FGF2: variants seen among roughly 807,000 people sequenced by gnomAD.
The protein encoded by FGF2 is basic fibroblast growth factor bFGF.
In FGF2, 13 loss-of-function variants were observed where a neutral mutation model predicts 15.9. The observed-to-expected ratio is 0.82, with a 90% CI of 0.53 to 1.30. The LOEUF is 1.30. FGF2 is among the 50% of genes most tolerant of loss of function. The probability of loss-of-function intolerance (pLI) is 0.00; values close to 1 mark genes in which losing one functional copy is unlikely to be tolerated. For missense variants in FGF2, 163 were observed against 196.9 expected, an observed-to-expected ratio of 0.83 and a Z score of 1.03; for synonymous variants, 90 against 78.4, an observed-to-expected ratio of 1.15 and a Z score of -0.78.
rs894913251 is a variant in FGF2 at position 122,893,538 on chromosome 4, A to G, written c.*1142A>G. On this transcript the variant is annotated 3_prime_UTR_variant, in exon 3 of 3. Transcript: ENST00000644866. ...GCTCTTTTTCCCAAAAGGTAAAAAT[A>G]TAGATTGAAAAGTTAAAACATTTTG... The G allele has an allele frequency of 6.3e-5, 14 of 222,538 alleles. No individual in the cohort carries two copies. The highest frequency in any genetic ancestry group is 3.2e-4 in the African/African-American group (14 of 44,042). 13.8% of individuals were successfully genotyped at this position (222,538 alleles called of 1,614,324 possible). A position where few individuals can be genotyped will look rare whatever the true frequency, so the allele number is the denominator to read the frequency against.
At chr4:122,860,223 TTAATAACTAACAGTTC>T (rs1726432040) in intron 1 of FGF2, among the ~76,000 whole-genome samples, 1 of 152,162 alleles carries the variant, frequency 6.6e-6, no homozygotes, top group African/African-American at 2.4e-5. Flanking sequence ...AAATATTTTT[TTAATAACTAACAGTTC>T]TAATAATGTG....
At chr4:122,875,765 C>T (rs1230710722) in intron 1 of FGF2, among the ~76,000 whole-genome samples, 3 of 152,182 alleles carry the variant, frequency 2.0e-5, no homozygotes, top group Admixed American at 6.5e-5. Context: ...CGTGATTGTG[C>T]CACTGCACTC....
chr4:122,867,672 C>G (rs918085958), intron 1 of FGF2, among the ~76,000 whole-genome samples: 2 of 152,130 alleles, frequency 1.3e-5, no homozygotes, highest in African/African-American at 4.8e-5. Flanking sequence ...ACATAGTTTT[C>G]AAATGACTAT....
At chr4:122,829,629 T>G (rs551217877) in intron 1 of FGF2, among the ~76,000 whole-genome samples, 47 of 152,274 alleles carry the variant, frequency 3.1e-4, no homozygotes, top group African/African-American at 1.1e-3. Context: ...TAGTGGTGAT[T>G]TGTGAAATTT....
intron 1 of FGF2, chr4:122,840,616 C>T (rs554817090): frequency 1.1e-5 from 2 of 180,648 alleles, no homozygotes; most frequent in Non-Finnish European, 2.4e-5. Flanking sequence ...TTGTGAAGCC[C>T]ACACGAACCA....
Position 122,897,623 on chromosome 4 carries a change from C to A in FGF2, c.*5227C>A. The A allele has an allele frequency of 3.1e-6, 5 of 1,592,552 alleles. No homozygotes were observed. The highest frequency in any genetic ancestry group is 4.3e-6 in the Non-Finnish European group (5 of 1,160,492). ...CAATTAAAAATATAAAAGATACACA[C>A]CAATATCTTCTTCAGGCTCTGACAG... On this transcript the variant is annotated 3_prime_UTR_variant, in exon 3 of 3. Transcript: ENST00000644866.
chr4:122,845,209 G>A (rs940699495), intron 1 of FGF2, among the ~76,000 whole-genome samples: 10 of 152,212 alleles, frequency 6.6e-5, no homozygotes, highest in Non-Finnish European at 2.9e-5. Flanking sequence ...CTCAAAAGTG[G>A]GTTTAAAATA....
At chr4:122,869,184 C>T (rs1457894115) in intron 1 of FGF2, among the ~76,000 whole-genome samples, 1 of 151,916 alleles carries the variant, frequency 6.6e-6, no homozygotes, top group Non-Finnish European at 1.5e-5. Context: ...TGCTCTGCTC[C>T]ATTGGTCTAT....
At chr4:122,871,194 T>G (rs1412456705) in intron 1 of FGF2, among the ~76,000 whole-genome samples, 1 of 147,672 alleles carries the variant, frequency 6.8e-6, no homozygotes, top group East Asian at 1.9e-4. Context: ...GAGACTGTTA[T>G]GATTTCAGTT....
At chr4:122,867,293 A>T (rs938147217) in intron 1 of FGF2, among the ~76,000 whole-genome samples, 13 of 152,220 alleles carry the variant, frequency 8.5e-5, no homozygotes, top group Admixed American at 8.5e-4. Context: ...TGGCATGTGA[A>T]TTATACCTCA....
intron 2 of FGF2, chr4:122,888,983 ATGAG>A (rs1227634342): frequency 6.6e-6 from 1 of 152,050 alleles, no homozygotes; most frequent in African/African-American, 2.4e-5. Flanking sequence ...TATAGATTGA[ATGAG>A]TAAGTGTATT....
In FGF2 at chr4:122,897,705, T is replaced by C. The variant is rs113287409; in HGVS notation, c.*5309T>C. 8.3e-5 allele frequency: 124 copies of C among 1,487,808 alleles called. No homozygotes were observed. Among genetic ancestry groups the C allele is most frequent in the Non-Finnish European group, 1.1e-4 (118 of 1,064,962 alleles). The allele number at this position is 1,487,808 out of a possible 1,614,324, so 92.2% of individuals were successfully genotyped here. On this transcript the variant is annotated 3_prime_UTR_variant, in exon 3 of 3. Transcript: ENST00000644866. ...TGCAGTATAAAGTCAGAAAATAAAGTTAACATAACTTTCACTAACACACAC... is the reference window on the plus strand; with the variant it reads ...TGCAGTATAAAGTCAGAAAATAAAGCTAACATAACTTTCACTAACACACAC...
chr4:122,833,934 C>T (rs949284391), intron 1 of FGF2, among the ~76,000 whole-genome samples: 10 of 152,054 alleles, frequency 6.6e-5, no homozygotes, highest in Non-Finnish European at 1.0e-4. Flanking sequence ...TTGTTTAGAA[C>T]TTTTATTGGG....
intron 1 of FGF2, among the ~76,000 whole-genome samples, chr4:122,828,527 T>C (rs1334667800): frequency 1.3e-5 from 2 of 152,256 alleles, no homozygotes; most frequent in African/African-American, 4.8e-5. Context: ...CCAGCGCCAC[T>C]CCCCTGTAGT....
chr4:122,865,790 G>T (rs1272855470), intron 1 of FGF2, among the ~76,000 whole-genome samples: 2 of 152,184 alleles, frequency 1.3e-5, no homozygotes, highest in Non-Finnish European at 2.9e-5. Context: ...TTCTGCAGAT[G>T]TTGGGTGTAG....
chr4:122,847,641 CTGTCTATCTAATCTAT>C (rs1726142724), intron 1 of FGF2, among the ~76,000 whole-genome samples: 3 of 97,296 alleles, frequency 3.1e-5, no homozygotes, highest in African/African-American at 2.6e-4. Flanking sequence ...ATCTATCTAT[CTGTCTATCTAATCTAT>C]CTATCTACCT....
At chr4:122,849,742 G>A (rs1726189741) in intron 1 of FGF2, among the ~76,000 whole-genome samples, 1 of 152,190 alleles carries the variant, frequency 6.6e-6, no homozygotes, top group Admixed American at 6.5e-5. Context: ...AGGAGGGAAT[G>A]CTGTCTCTGA....
intron 2 of FGF2, among the ~76,000 whole-genome samples, chr4:122,887,180 G>A (rs1245089752): frequency 6.6e-6 from 1 of 152,044 alleles, no homozygotes; most frequent in Non-Finnish European, 1.5e-5. Flanking sequence ...CAGGTGTGGT[G>A]GTGCGCACCT....
intron 2 of FGF2, among the ~76,000 whole-genome samples, chr4:122,880,279 C>T (rs1726935364): frequency 6.8e-6 from 1 of 147,162 alleles, no homozygotes; most frequent in Non-Finnish European, 1.5e-5. Context: ...TGGAGTCTCG[C>T]TCTGTTGCCC....
Sources: gnomAD v4.1 joint callset for allele counts (sites outside exome capture counted in the v4.1 genomes callset) on GRCh38, gnomAD v4.1.1 for gene constraint, MANE v1.5 for transcripts, NCBI Gene and HGNC (gene_info 2026-07-23, HGNC 2026-07-21) for gene names.